Variants in PPFIA2 observed in about 807,000 individuals in gnomAD.
The protein encoded by PPFIA2 is liprin-alpha-2.
Under a neutral mutation model 175.5 loss-of-function variants are expected in PPFIA2, and 46 were observed. That is an observed-to-expected ratio of 0.26 (90% CI 0.21 to 0.34). The LOEUF is 0.34. Ranked by LOEUF, PPFIA2 falls within the 10% of genes least tolerant of loss-of-function variation. The pLI is 1.00. For missense variants in PPFIA2, 1,179 were observed against 1,506.1 expected (o/e 0.78, Z 3.60); for synonymous variants, 568 against 511.4 (o/e 1.11, Z -1.49).
chr12:81,367,654 T>G (rs2141412501), intron 13 of PPFIA2, among the ~76,000 whole-genome samples: 1 of 151,758 alleles, frequency 6.6e-6, no homozygotes, highest in South Asian at 2.1e-4. Flanking sequence ...ATAATGATAC[T>G]TAAATTATTA....
chr12:81,372,513 G>GAAAAAAAAAAAAAAAAA (rs3075257), intron 11 of PPFIA2, among the ~76,000 whole-genome samples: 13 of 93,644 alleles, frequency 1.4e-4, no homozygotes, highest in East Asian at 2.6e-4. Context: ...AATTGAAACA[G>GAAAAAAAAAAAAAAAAA]AAAAAAAAAA....
intron 4 of PPFIA2, among the ~76,000 whole-genome samples, chr12:81,494,685 G>A (rs1270583584): frequency 6.6e-6 from 1 of 151,808 alleles, no homozygotes; most frequent in South Asian, 2.1e-4. Flanking sequence ...CAAAGACTTG[G>A]AACCAACCCA....
rs142846580 is a variant in PPFIA2 at position 81,353,851 on chromosome 12, T to C, written c.1774-512A>G. ...AATATTGCAAAATGATGTACAGGTA[T>C]ACTCCACAGAGATTTCAGGGTTAGT... is the stretch of plus-strand genomic sequence containing the variant. On this transcript the variant is annotated intron_variant, in intron 16 of 32. Coordinates refer to ENST00000549396, the MANE Select transcript of PPFIA2 (RefSeq NM_003625.5). Among the ~76,000 whole-genome samples the C allele has an allele frequency of 2.6e-3, 397 of 152,316 alleles. 6 individuals are homozygous for C. The highest frequency in any genetic ancestry group is 9.0e-3 in the African/African-American group (374 of 41,586).
At chr12:81,656,701 A>G (rs2153539820) in intron 4 of PPFIA2, among the ~76,000 whole-genome samples, 1 of 152,038 alleles carries the variant, frequency 6.6e-6, no homozygotes, top group Non-Finnish European at 1.5e-5. Flanking sequence ...AAGAATATCC[A>G]GAGAATTTAT....
intron 23 of PPFIA2, chr12:81,296,883 C>G (rs1772029629): frequency 6.6e-6 from 1 of 151,956 alleles, no homozygotes; most frequent in Non-Finnish European, 1.5e-5. Context: ...TCTATAATCT[C>G]CTTCTTTTGG....
intron 27 of PPFIA2, among the ~76,000 whole-genome samples, chr12:81,278,503 G>T (rs577095980): frequency 2.1e-5 from 3 of 145,334 alleles, no homozygotes. Context: ...TCGTGCCACC[G>T]CACTCCACCC....
At chr12:81,666,475 G>A (rs2070316503) in intron 4 of PPFIA2, among the ~76,000 whole-genome samples, 1 of 152,078 alleles carries the variant, frequency 6.6e-6, no homozygotes, top group African/African-American at 2.4e-5. Context: ...CACGGATGAA[G>A]CTGGAAACCA....
intron 4 of PPFIA2, among the ~76,000 whole-genome samples, chr12:81,521,651 CAAAA>C (rs1167533871): frequency 1.1e-5 from 1 of 87,532 alleles, no homozygotes; most frequent in Non-Finnish European, 2.5e-5. Context: ...TAATAAAATA[CAAAA>C]AAAAAAAAAA....
intron 4 of PPFIA2, among the ~76,000 whole-genome samples, chr12:81,519,024 T>A (rs1004762246): frequency 2.6e-5 from 4 of 152,182 alleles, no homozygotes; most frequent in Non-Finnish European, 1.5e-5. Context: ...GTAAAGCCAA[T>A]GATATACAAA....
intron 30 of PPFIA2, among the ~76,000 whole-genome samples, chr12:81,264,644 G>A (rs1414643464): frequency 6.6e-6 from 1 of 152,046 alleles, no homozygotes; most frequent in Admixed American, 6.5e-5. Flanking sequence ...TATTAATTAA[G>A]GGACATTTAA....
At chr12:81,709,992 T>C (rs1232249610) in intron 3 of PPFIA2, among the ~76,000 whole-genome samples, 1 of 152,066 alleles carries the variant, frequency 6.6e-6, no homozygotes, top group African/African-American at 2.4e-5. Context: ...TTATGAATAC[T>C]TGCCAATTCA....
At chr12:81,344,720 A>G (rs748434380) in intron 18 of PPFIA2, 27 bp from the exon 19 acceptor site, 1 of 1,507,192 alleles carries the variant, frequency 6.6e-7, no homozygotes, top group Admixed American at 1.9e-5. Context: ...TAAAAACATA[A>G]AACACAATTA....
chr12:81,556,072 T>C (rs2068808914), intron 4 of PPFIA2, among the ~76,000 whole-genome samples: 1 of 151,958 alleles, frequency 6.6e-6, no homozygotes, highest in Non-Finnish European at 1.5e-5. Flanking sequence ...AGCCATGATA[T>C]GTGGGAAACA....
chr12:81,709,090 C>T (rs918948626), intron 3 of PPFIA2, among the ~76,000 whole-genome samples: 3 of 151,506 alleles, frequency 2.0e-5, no homozygotes, highest in Non-Finnish European at 2.9e-5. Flanking sequence ...TGTTTCAAAC[C>T]TTCTCTCTCA....
chr12:81,668,785 G>A (rs2070846340), intron 4 of PPFIA2, among the ~76,000 whole-genome samples: 1 of 151,956 alleles, frequency 6.6e-6, no homozygotes, highest in Non-Finnish European at 1.5e-5. Context: ...AGAATGTGGG[G>A]ATACTTATCA....
At chr12:81,443,478 C>A (rs2050610862) in intron 6 of PPFIA2, among the ~76,000 whole-genome samples, 1 of 151,070 alleles carries the variant, frequency 6.6e-6, no homozygotes, top group African/African-American at 2.5e-5. Context: ...TATGCTAAAC[C>A]CACTGAACTT....
chr12:81,472,872 G>A (rs561481196), intron 4 of PPFIA2: 15 of 152,174 alleles, frequency 9.9e-5, no homozygotes, highest in Non-Finnish European at 2.1e-4. Flanking sequence ...GTCAGTAGAA[G>A]CAGAAAGAAT....
intron 4 of PPFIA2, among the ~76,000 whole-genome samples, chr12:81,590,146 A>G (rs752954437): frequency 5.9e-5 from 9 of 152,270 alleles, no homozygotes; most frequent in Non-Finnish European, 1.3e-4. Flanking sequence ...TGCCTATATT[A>G]CTGGGTAATC....
intron 7 of PPFIA2, among the ~76,000 whole-genome samples, chr12:81,428,545 GATA>G (rs2047550505): frequency 6.6e-6 from 1 of 151,842 alleles, no homozygotes; most frequent in Admixed American, 6.6e-5. Flanking sequence ...TTCTATTCAT[GATA>G]ATAACTTGGA....
Sources: allele counts gnomAD v4.1 joint callset (sites outside exome capture counted in the v4.1 genomes callset), GRCh38; gene constraint gnomAD v4.1.1; transcripts MANE v1.5; gene names NCBI Gene and HGNC (gene_info 2026-07-23, HGNC 2026-07-21).